The following TAF3 variants were observed in gnomAD, a reference collection of about 807,000 sequenced individuals.
The protein encoded by TAF3 is transcription initiation factor TFIID subunit 3.
In TAF3, 7 loss-of-function variants were observed where a neutral mutation model predicts 80.6. That is an observed-to-expected ratio of 0.09 (90% confidence interval 0.05 to 0.16). TAF3 has a LOEUF of 0.16. Among genes scored for constraint, TAF3 ranks in the 10% least tolerant of loss-of-function variants. The probability of loss-of-function intolerance (pLI) is 1.00; values close to 1 mark genes in which losing one functional copy is unlikely to be tolerated. For missense variants in TAF3, 921 were observed against 1,140.2 expected, an observed-to-expected ratio of 0.81 and a Z score of 2.77; for synonymous variants, 444 against 446.1, an observed-to-expected ratio of 1.00 and a Z score of 0.06.
At chr10:7,853,080 A>T (rs976595165) in intron 2 of TAF3, among the ~76,000 whole-genome samples, 1 of 152,230 alleles carries the variant, frequency 6.6e-6, no homozygotes, top group Admixed American at 6.5e-5. Context: ...GAGCTGGCTC[A>T]TACCCATTTT....
intron 2 of TAF3, among the ~76,000 whole-genome samples, chr10:7,888,351 AGAAAGTGTTT>A (rs1837428826): frequency 6.6e-6 from 1 of 152,198 alleles, no homozygotes; most frequent in Non-Finnish European, 1.5e-5. Flanking sequence ...GAGACAGTGG[AGAAAGTGTTT>A]AACTTCTATT....
intron 2 of TAF3, among the ~76,000 whole-genome samples, chr10:7,911,236 A>G (rs1837654361): frequency 6.6e-6 from 1 of 152,248 alleles, no homozygotes; most frequent in East Asian, 1.9e-4. Flanking sequence ...TGAGGAAGGG[A>G]CTGAGTATTC....
chr10:7,991,782 CT>C (rs1473490490), intron 4 of TAF3, among the ~76,000 whole-genome samples: 1 of 152,024 alleles, frequency 6.6e-6, no homozygotes, highest in African/African-American at 2.4e-5. Context: ...TGGTGAAGAC[CT>C]AGCAGCTTTT....
intron 2 of TAF3, among the ~76,000 whole-genome samples, chr10:7,897,109 G>A (rs1019286814): frequency 2.6e-5 from 4 of 152,096 alleles, no homozygotes; most frequent in African/African-American, 9.7e-5. Context: ...TACCAGCCAG[G>A]GAAGACTCTG....
intron 2 of TAF3, among the ~76,000 whole-genome samples, chr10:7,862,905 G>T (rs546187174): frequency 6.6e-6 from 1 of 152,154 alleles, no homozygotes; most frequent in East Asian, 1.9e-4. Context: ...GTTCCATTAC[G>T]TGTATATGCC....
At chr10:7,841,891 A>G (rs2131115759) in intron 2 of TAF3, among the ~76,000 whole-genome samples, 1 of 152,280 alleles carries the variant, frequency 6.6e-6, no homozygotes, top group Admixed American at 6.5e-5. Context: ...TTTTTTAAAT[A>G]ATCAGGTAGA....
chr10:7,997,653 C>A (rs1436179229), intron 4 of TAF3, among the ~76,000 whole-genome samples: 1 of 152,162 alleles, frequency 6.6e-6, no homozygotes, highest in Non-Finnish European at 1.5e-5. Context: ...TGATCAAATC[C>A]TCCAAAAGCT....
chr10:8,000,874 TAC>T (rs1458761997), intron 4 of TAF3, among the ~76,000 whole-genome samples: 1 of 152,234 alleles, frequency 6.6e-6, no homozygotes, highest in African/African-American at 2.4e-5. Flanking sequence ...TTTCTAAGTA[TAC>T]ACTCATACCT....
At chr10:7,845,082 G>T (rs1836956239) in intron 2 of TAF3, among the ~76,000 whole-genome samples, 1 of 152,138 alleles carries the variant, frequency 6.6e-6, no homozygotes, top group African/African-American at 2.4e-5. Flanking sequence ...AGTTGTATCA[G>T]TTTACAGTGC....
intron 4 of TAF3, among the ~76,000 whole-genome samples, chr10:8,008,092 C>CTTTTTTTTTT (rs1162726965): frequency 9.4e-6 from 1 of 106,038 alleles, no homozygotes; most frequent in Non-Finnish European, 1.9e-5. Context: ...TGGGAACAAT[C>CTTTTTTTTTT]TTTTTTTTTT....
intron 2 of TAF3, among the ~76,000 whole-genome samples, chr10:7,939,824 CAG>C (rs1337603889): frequency 2.0e-5 from 3 of 152,064 alleles, no homozygotes; most frequent in Non-Finnish European, 4.4e-5. Context: ...GAGAAAACTA[CAG>C]AGTTAATTCA....
chr10:7,846,020 G>A (rs908734306), intron 2 of TAF3, among the ~76,000 whole-genome samples: 1 of 148,446 alleles, frequency 6.7e-6, no homozygotes, highest in Non-Finnish European at 1.5e-5. Context: ...GTGCAGTGGC[G>A]CAATCTCGGC....
At chr10:7,887,232 T>TAA (rs528310249) in intron 2 of TAF3, among the ~76,000 whole-genome samples, 25,060 of 139,022 alleles carry the variant, frequency 0.18, 2,367 homozygotes, top group East Asian at 0.28. Flanking sequence ...ACTCTGTATT[T>TAA]AAAAAAAAAA....
At chr10:7,995,902 C>T (rs1181102696) in intron 4 of TAF3, among the ~76,000 whole-genome samples, 2 of 152,058 alleles carry the variant, frequency 1.3e-5, no homozygotes, top group African/African-American at 2.4e-5. Flanking sequence ...AACATAAAAC[C>T]GATTCTCATA....
chr10:7,981,705 A>G (rs922560239), intron 4 of TAF3, among the ~76,000 whole-genome samples: 2 of 152,236 alleles, frequency 1.3e-5, no homozygotes, highest in Admixed American at 6.5e-5. Flanking sequence ...CTTACAATTC[A>G]GTAACTTCAT....
chr10:7,973,155 G>A (rs1218597183), intron 3 of TAF3, among the ~76,000 whole-genome samples: 1 of 152,178 alleles, frequency 6.6e-6, no homozygotes, highest in Non-Finnish European at 1.5e-5. Context: ...TGTGAAGATA[G>A]AGTTGAATAA....
chr10:8,011,654 A>G (rs981251779), intron 5 of TAF3, among the ~76,000 whole-genome samples: 4 of 152,182 alleles, frequency 2.6e-5, no homozygotes, highest in South Asian at 2.1e-4. Flanking sequence ...TCGGGGACCA[A>G]TCATTGTAGG....
In TAF3 at chr10:7,818,922, G is replaced by A. The variant is rs571837794; in HGVS notation, c.166+47G>A. ...GGAGGGCTGCCCCGGCAAGTCAAGG[G>A]TGACACCTTCGCTCTCCCTGTCCCT... On this transcript the variant is annotated intron_variant, in intron 1 of 6. Coordinates refer to ENST00000344293, the MANE Select transcript of TAF3 (RefSeq NM_031923.4). 9.2e-5 allele frequency: 125 copies of A among 1,363,078 alleles called. 1 individual carries two copies. Among genetic ancestry groups the A allele is most frequent in the Admixed American group, 2.9e-4 (8 of 27,336 alleles). The allele number at this position is 1,363,078 out of a possible 1,614,324, so 84.4% of individuals were successfully genotyped here.
At chr10:7,988,278 G>T (rs2131426317) in intron 4 of TAF3, among the ~76,000 whole-genome samples, 1 of 152,002 alleles carries the variant, frequency 6.6e-6, no homozygotes, top group East Asian at 1.9e-4. Context: ...GCAAGATCGT[G>T]TCTCTACAAA....
Sources: allele counts gnomAD v4.1 joint callset (sites outside exome capture counted in the v4.1 genomes callset), GRCh38; gene constraint gnomAD v4.1.1; transcripts MANE v1.5; gene names NCBI Gene and HGNC (gene_info 2026-07-23, HGNC 2026-07-21).